OR2T6: variants seen among roughly 807,000 people sequenced by gnomAD.
The protein encoded by OR2T6 is olfactory receptor family 2 subfamily T member 6.
For missense variants in OR2T6, 424 were observed against 391.6 expected (o/e 1.08, Z -0.70); for synonymous variants, 174 against 148.0 (o/e 1.18, Z -1.27).
chr1:248,381,019 G>A (rs1019255702), intron 1 of OR2T6, among the ~76,000 whole-genome samples: 3 of 151,736 alleles, frequency 2.0e-5, no homozygotes, highest in South Asian at 2.1e-4. Flanking sequence ...CTTTGAAAGC[G>A]GATGTTTACT....
At position 248,388,012 on chromosome 1, in the gene OR2T6, T is replaced by A; in HGVS notation, c.404T>A (p.Leu135His). 6.2e-7 allele frequency: 1 copy of A among 1,613,388 alleles called. No homozygotes were observed. ...TGCAACCCACTGCGCTATCCTGTCC[T>A]CATCAGCTGGCGGGTCTGCTGGATG... is the stretch of plus-strand genomic sequence containing the variant. Reference protein sequence around the residue: ...AICNPLRYPVLISWRVCWMIL... With the variant: ...AICNPLRYPVHISWRVCWMIL... The change falls in exon 3 of 3, where the codon CTC (leucine) becomes CAC (histidine). Residue 135 changes from leucine (L) to histidine (H), a missense_variant. Physicochemically the swap from Leu to His is moderately conservative, Grantham distance 99. Transcript: ENST00000641644.
intron 1 of OR2T6, among the ~76,000 whole-genome samples, chr1:248,377,671 C>T (rs994019022): frequency 6.6e-6 from 1 of 152,184 alleles, no homozygotes; most frequent in African/African-American, 2.4e-5. Context: ...TTTGGAAAGG[C>T]ATGAAATACA....
At chr1:248,376,563 A>T (rs1387597634) in intron 1 of OR2T6, among the ~76,000 whole-genome samples, 4 of 152,188 alleles carry the variant, frequency 2.6e-5, no homozygotes, top group Admixed American at 2.0e-4. Context: ...GGGCATCAAT[A>T]ACCATGGAAA....
chr1:248,376,602 T>G (rs1660941668), intron 1 of OR2T6, among the ~76,000 whole-genome samples: 1 of 152,168 alleles, frequency 6.6e-6, no homozygotes, highest in African/African-American at 2.4e-5. Flanking sequence ...CATTTTCTGT[T>G]GTTTCATCTA....
At position 248,390,928 on chromosome 1, in the gene OR2T6, T is replaced by A. The variant is rs1334137881; in HGVS notation, c.*2393T>A. On this transcript the variant is annotated 3_prime_UTR_variant, in exon 3 of 3. Transcript: ENST00000641644. The stretch of plus-strand genomic sequence containing the variant: ...TTTTAAAATCAAGTAAAATGATGAA[T>A]GTAATAAAACCTTATAAATGCTAGT... 3 of 152,258 alleles carry A rather than the reference T, an allele frequency of 2.0e-5. No homozygotes were observed. The highest frequency in any genetic ancestry group is 7.2e-5 in the African/African-American group (3 of 41,468). The allele number at this position is 152,258 out of a possible 1,614,324, so 9.4% of individuals were successfully genotyped here.
In OR2T6 at chr1:248,388,321, T is replaced by A. The variant is rs1473240743; in HGVS notation, c.713T>A (p.Phe238Tyr). 1 of 1,613,658 alleles carries A rather than the reference T, an allele frequency of 6.2e-7. No individual in the cohort carries two copies. Among genetic ancestry groups the A allele is most frequent in the East Asian group, 2.2e-5 (1 of 44,840 alleles). The change falls in exon 3 of 3, where the codon TTT (phenylalanine) becomes TAT (tyrosine). Residue 238 changes from phenylalanine (F) to tyrosine (Y), a missense_variant. By Grantham distance (22) the Phe-to-Tyr change is conservative. Coordinates refer to ENST00000641644, the MANE Select transcript of OR2T6 (RefSeq NM_001005471.2). ...TCGGCTGAAGGGAGGAAGAAGGCCT[T>A]TGCCACCTGCTCTTCACACATGATG... ...MTSAEGRKKA[F>Y]ATCSSHMMVV...
chr1:248,391,518 A>G lies in OR2T6; in HGVS notation c.*2983A>G, dbSNP rs779393548. Reference sequence around the variant, plus strand: ...TTTTAGAGCAGTGAAACTATTGTATATGACACAGTAATTAATGTTACATAA... The same window carrying G: ...TTTTAGAGCAGTGAAACTATTGTATGTGACACAGTAATTAATGTTACATAA... On this transcript the variant is annotated 3_prime_UTR_variant, in exon 3 of 3. Transcript: ENST00000641644. 1 of 152,206 alleles carries G rather than the reference A, an allele frequency of 6.6e-6. No individual in the cohort carries two copies. Among genetic ancestry groups the G allele is most frequent in the Admixed American group, 6.5e-5 (1 of 15,270 alleles). The allele number at this position is 152,206 out of a possible 1,614,324, so 9.4% of individuals were successfully genotyped here.
At chr1:248,385,714 G>A (rs879543979) in intron 2 of OR2T6, among the ~76,000 whole-genome samples, 4 of 152,172 alleles carry the variant, frequency 2.6e-5, no homozygotes, top group Admixed American at 6.5e-5. Context: ...CAGGTGACAC[G>A]TGCTTTTTAG....
intron 1 of OR2T6, among the ~76,000 whole-genome samples, chr1:248,379,026 TA>T (rs1476682667): frequency 6.6e-6 from 1 of 151,950 alleles, no homozygotes. Flanking sequence ...TACAAAAACA[TA>T]AGCTGGATAT....
chr1:248,381,092 C>T (rs56399680), intron 1 of OR2T6, among the ~76,000 whole-genome samples: 13,584 of 151,900 alleles, frequency 0.089, 1,873 homozygotes, highest in African/African-American at 0.3. Flanking sequence ...ATATGCTTCG[C>T]GTTAATTTCC....
chr1:248,387,780 C>T lies in OR2T6; in HGVS notation c.172C>T (p.Pro58Ser), dbSNP rs775649803. 1.9e-6 allele frequency: 3 copies of T among 1,612,106 alleles called. No homozygotes were observed. The highest frequency in any genetic ancestry group is 1.7e-5 in the Admixed American group (1 of 59,952). Residue 58 changes from proline (P) to serine (S), a missense_variant, in exon 3 of 3, where the codon CCC (proline) becomes TCC (serine). By Grantham distance (74) the Pro-to-Ser change is moderately conservative. Transcript: ENST00000641644. Reference protein sequence around the residue: ...LINIDPHLHTPMYFLLSHLSV... With the variant: ...LINIDPHLHTSMYFLLSHLSV... ...TAACATAGACCCTCATCTCCACACC[C>T]CCATGTACTTCCTCCTCAGCCACCT...
At chr1:248,383,084 T>C (rs1286885541) in intron 1 of OR2T6, among the ~76,000 whole-genome samples, 2 of 142,254 alleles carry the variant, frequency 1.4e-5, no homozygotes, top group Non-Finnish European at 3.0e-5. Context: ...AGTGTGCTCA[T>C]CCTATCCTAA....
chr1:248,380,078 CTGTA>C (rs1470727943), intron 1 of OR2T6, among the ~76,000 whole-genome samples: 3 of 151,784 alleles, frequency 2.0e-5, no homozygotes, highest in African/African-American at 7.3e-5. Context: ...AGAATTTTAA[CTGTA>C]TGTGTGTATG....
rs747586870 is a variant in OR2T6, at chr1:248,388,005, C to A, written c.397C>A (p.Pro133Thr). 1.9e-6 allele frequency: 3 copies of A among 1,612,900 alleles called. No homozygotes were observed. The highest frequency in any genetic ancestry group is 2.2e-5 in the South Asian group (2 of 90,854). Reference sequence around the variant, plus strand: ...GGCCATCTGCAACCCACTGCGCTATCCTGTCCTCATCAGCTGGCGGGTCTG... The same window carrying A: ...GGCCATCTGCAACCCACTGCGCTATACTGTCCTCATCAGCTGGCGGGTCTG... Reference protein sequence around the residue: ...YVAICNPLRYPVLISWRVCWM... With the variant: ...YVAICNPLRYTVLISWRVCWM... Residue 133 changes from proline to threonine, a missense_variant, in exon 3 of 3, where the codon CCT becomes ACT. Transcript: ENST00000641644.
At position 248,378,375 on chromosome 1, in the gene OR2T6, GTATT is replaced by G. The variant is rs1368026094; in HGVS notation, c.-159+2327_-159+2330del. On this transcript the variant is annotated intron_variant, in intron 1 of 2. Coordinates refer to ENST00000641644, the MANE Select transcript of OR2T6 (RefSeq NM_001005471.2). ...CATAAAAAAGTTTTCATAAAGAAAT[GTATT>G]TATTTCTTGTACTTAAGTTTTTGAG... 6.6e-5 allele frequency among the ~76,000 whole-genome samples: 10 copies of G among 152,280 alleles called. No homozygotes were observed. The East Asian group carries it at 1.9e-3, about 29-fold the overall frequency.
chr1:248,379,494 A>G (rs1212983103), intron 1 of OR2T6, among the ~76,000 whole-genome samples: 1 of 152,212 alleles, frequency 6.6e-6, no homozygotes, highest in Non-Finnish European at 1.5e-5. Flanking sequence ...CTTGATCTTT[A>G]GCTCACAAAC....
chr1:248,376,683 C>G (rs1304860421), intron 1 of OR2T6, among the ~76,000 whole-genome samples: 1 of 151,840 alleles, frequency 6.6e-6, no homozygotes, highest in Non-Finnish European at 1.5e-5. Flanking sequence ...ATTTTAGATT[C>G]AGGTGGTACA....
At chr1:248,376,983 C>T (rs370068774) in intron 1 of OR2T6, among the ~76,000 whole-genome samples, 107 of 152,300 alleles carry the variant, frequency 7.0e-4, no homozygotes, top group African/African-American at 2.5e-3. Flanking sequence ...TAGATTCAGT[C>T]ACTCTTTTGT....
Position 248,387,730 on chromosome 1 carries a change from C to T in OR2T6, c.122C>T (p.Ala41Val). Residue 41 changes from alanine to valine, a missense_variant, in exon 3 of 3, where the codon GCT (alanine) becomes GTT (valine). Ala to Val is a moderately conservative substitution (Grantham distance 64, BLOSUM62 0). Transcript: ENST00000641644. ...GCCGTCTTCTTCATGGCCATGATAG[C>T]TAATGGGGTCATGATCTTCCTGATT... ...ICAVFFMAMI[A>V]NGVMIFLINI... 1 of 1,613,854 alleles carries T rather than the reference C, an allele frequency of 6.2e-7. No individual in the cohort carries two copies. Among genetic ancestry groups the T allele is most frequent in the Non-Finnish European group, 8.5e-7 (1 of 1,179,826 alleles).
Sources: gnomAD v4.1 joint callset for allele counts (sites outside exome capture counted in the v4.1 genomes callset) on GRCh38, gnomAD v4.1.1 for gene constraint, MANE v1.5 for transcripts, NCBI Gene and HGNC (gene_info 2026-07-23, HGNC 2026-07-21) for gene names.